PROM2: variants seen among roughly 807,000 people sequenced by gnomAD.
PROM2 encodes prominin-2.
A neutral mutation model predicts 110.2 loss-of-function variants in PROM2; 90 were observed. The ratio of observed to expected loss-of-function variants is 0.82; its 90% CI spans 0.69 to 0.97. PROM2 has a LOEUF of 0.97. Among genes scored for constraint, PROM2 ranks in the 50% least tolerant of loss-of-function variants. PROM2 has a pLI of 0.00. For synonymous variants in PROM2, 470 were observed against 467.8 expected (o/e 1.00, Z -0.06); for missense variants, 1,009 against 1,074.8 (o/e 0.94, Z 0.86).
Position 95,282,217 on chromosome 2 carries a change from T to TATC in PROM2, c.1721_1723dup (p.Ile574dup). On this transcript the variant is annotated inframe_insertion, in exon 14 of 24. Coordinates refer to ENST00000317620, the MANE Select transcript of PROM2 (RefSeq NM_001165978.3). Reference sequence around the variant, plus strand: ...CCTACGACCTGGAGGAGCACCTGGATATCAACCAGGTGAGAGAACGTTTTG... The same window carrying TATC: ...CCTACGACCTGGAGGAGCACCTGGATATCATCAACCAGGTGAGAGAACGTTTTG... 1 of 1,613,346 alleles carries TATC rather than the reference T, an allele frequency of 6.2e-7. No homozygotes were observed. Among genetic ancestry groups the TATC allele is most frequent in the Non-Finnish European group, 8.5e-7 (1 of 1,179,696 alleles).
chr2:95,280,960 G>A (rs1259974708), intron 11 of PROM2, among the ~76,000 whole-genome samples: 2 of 152,198 alleles, frequency 1.3e-5, no homozygotes, highest in Non-Finnish European at 2.9e-5. Context: ...GATAGTCCTG[G>A]CTCTTTGAAC....
chr2:95,278,674 G>A lies in PROM2; in HGVS notation c.1051-47G>A. The A allele has an allele frequency of 4.3e-6, 7 of 1,611,272 alleles. 1 individual carries two copies. The South Asian group carries it at 5.5e-5, about 13-fold the overall frequency. ...GTGACTTTGGGGTCTCCCAAGAGGG[G>A]ACACTGGGCAGAGATGGGGAGGCCC... On this transcript the variant is annotated intron_variant, in intron 8 of 23. Transcript: ENST00000317620.
At chr2:95,285,145 C>A in intron 15 of PROM2, 30 bp downstream of exon 15, 1 of 1,521,040 alleles carries the variant, frequency 6.6e-7, no homozygotes, top group South Asian at 1.2e-5. Flanking sequence ...GCAGGGCTTC[C>A]TCAGCAGGTG....
chr2:95,277,183 G>A (rs1361427981), intron 6 of PROM2, 122 bp downstream of exon 6: 5 of 1,136,190 alleles, frequency 4.4e-6, no homozygotes, highest in African/African-American at 1.6e-5. Flanking sequence ...CTTCCCCATC[G>A]CTGTACCCCA....
chr2:95,279,479 TAG>T (rs1676909875), intron 10 of PROM2, among the ~76,000 whole-genome samples: 1 of 152,080 alleles, frequency 6.6e-6, no homozygotes, highest in Non-Finnish European at 1.5e-5. Flanking sequence ...GCATTTTTAG[TAG>T]AGACAGGGTT....
chr2:95,276,473 GC>G lies in PROM2; in HGVS notation c.619-119del. ...GAAAGCCGCCTCCTCTCCCGCCCTT[GC>G]CTGAGAGTCGACCACCCTCAGGGTG... is the stretch of plus-strand genomic sequence containing the variant. On this transcript the variant is annotated intron_variant, in intron 4 of 23. Coordinates refer to ENST00000317620, the MANE Select transcript of PROM2 (RefSeq NM_001165978.3). The surrounding 1 kb of genome is among the most constrained non-coding windows in gnomAD (Gnocchi z 4.6). 5.0e-6 allele frequency: 8 copies of G among 1,594,788 alleles called. No homozygotes were observed. The highest frequency in any genetic ancestry group is 6.9e-6 in the Non-Finnish European group (8 of 1,165,846).
At chr2:95,285,425 G>A (rs1344965846) in intron 15 of PROM2, among the ~76,000 whole-genome samples, 1 of 152,340 alleles carries the variant, frequency 6.6e-6, no homozygotes, top group East Asian at 1.9e-4. Context: ...ACCAGAGGGT[G>A]CCTTATTTGT....
At chr2:95,284,004 C>T (rs1677198440) in intron 14 of PROM2, among the ~76,000 whole-genome samples, 1 of 152,190 alleles carries the variant, frequency 6.6e-6, no homozygotes, top group African/African-American at 2.4e-5. Flanking sequence ...GGATAAAGAG[C>T]GGCTGAGAGA....
intron 14 of PROM2, among the ~76,000 whole-genome samples, chr2:95,284,534 A>G (rs531132273): frequency 6.6e-6 from 1 of 152,248 alleles, no homozygotes; most frequent in African/African-American, 2.4e-5. Context: ...AGGCTGCATA[A>G]TTTATAAAGA....
At position 95,285,958 on chromosome 2, in the gene PROM2, G is replaced by C. The variant is rs528151457; in HGVS notation, c.1947+248G>C. Reference sequence around the variant, plus strand: ...TCTCTGAGCCGGAGGTTCTTCATCTGTTGGGTGGACTGTCCTCCATCTCAG... The same window carrying C: ...TCTCTGAGCCGGAGGTTCTTCATCTCTTGGGTGGACTGTCCTCCATCTCAG... On this transcript the variant is annotated intron_variant, in intron 16 of 23. Transcript: ENST00000317620. Among the ~76,000 whole-genome samples, 4 of 152,350 alleles carry C rather than the reference G, an allele frequency of 2.6e-5. No individual in the cohort carries two copies. The East Asian group carries it at 5.8e-4, about 22-fold the overall frequency.
In PROM2 at chr2:95,286,554, C is replaced by T. The variant is rs750741001; in HGVS notation, c.2023C>T (p.Pro675Ser). 2.5e-6 allele frequency: 4 copies of T among 1,613,504 alleles called. No individual in the cohort carries two copies. In the East Asian group the frequency reaches 6.7e-5, roughly 27 times the overall value. The change falls in exon 17 of 24, where the codon CCC becomes TCC. Residue 675 changes from proline (P) to serine (S), a missense_variant. Transcript: ENST00000317620. ...AAACCTTCACCAGGAGAAGGTCGTCCCCCAGCAGAGCCTTGTGGTCAGTTT... is the reference window on the plus strand; with the variant it reads ...AAACCTTCACCAGGAGAAGGTCGTCTCCCAGCAGAGCCTTGTGGTCAGTTT... ...LRNLHQEKVV[P>S]QQSLVAKLNL...
chr2:95,278,125 C>A, intron 8 of PROM2, 121 bp downstream of exon 8: 2 of 789,732 alleles, frequency 2.5e-6, no homozygotes, highest in Non-Finnish European at 4.2e-6. Context: ...CCACACAGCA[C>A]CCTGGGCAGG....
chr2:95,281,435 G>A (rs1677039895), intron 12 of PROM2, 70 bp downstream of exon 12: 4 of 1,077,362 alleles, frequency 3.7e-6, no homozygotes, highest in East Asian at 6.4e-5. Flanking sequence ...GAGCAGGAGG[G>A]TTGGGGGAAA....
chr2:95,276,568 A>G lies in PROM2; in HGVS notation c.619-26A>G, dbSNP rs1573445287. On this transcript the variant is annotated intron_variant, in intron 4 of 23. Transcript: ENST00000317620. The surrounding 1 kb of genome is among the most constrained non-coding windows in gnomAD (Gnocchi z 4.6). The stretch of plus-strand genomic sequence containing the variant: ...AGGACTGTGGGTGACCAGGAAGGGC[A>G]GCCTCAGGGCCTTGTGTTTGCCTAG... The G allele has an allele frequency of 6.2e-7, 1 of 1,613,954 alleles. No homozygotes were observed. Among genetic ancestry groups the G allele is most frequent in the Non-Finnish European group, 8.5e-7 (1 of 1,179,978 alleles).
Position 95,275,883 on chromosome 2 carries a change from TG to T in PROM2, c.295-44del. Reference sequence around the variant, plus strand: ...TCTGGACTCAGGCAGAAGCCAGGGCTGGGCAGTGGGGGTCGGGTCACCCCTC... The same window carrying T: ...TCTGGACTCAGGCAGAAGCCAGGGCTGGCAGTGGGGGTCGGGTCACCCCTC... On this transcript the variant is annotated intron_variant, in intron 2 of 23. Transcript: ENST00000317620. The surrounding 1 kb of genome is among the most constrained non-coding windows in gnomAD (Gnocchi z 4.4). The T allele has an allele frequency of 6.4e-7, 1 of 1,571,224 alleles. No homozygotes were observed. The highest frequency in any genetic ancestry group is 8.6e-7 in the Non-Finnish European group (1 of 1,160,634).
intron 17 of PROM2, 88 bp downstream of exon 17, chr2:95,286,659 C>A: frequency 9.7e-7 from 1 of 1,030,682 alleles, no homozygotes; most frequent in Non-Finnish European, 1.5e-6. Context: ...TTCTGAGAGT[C>A]CCTTCCCTCC....
intron 17 of PROM2, 73 bp from the exon 18 acceptor site, chr2:95,286,731 C>A: frequency 9.0e-7 from 1 of 1,115,046 alleles, no homozygotes. Flanking sequence ...CTCCACTCCC[C>A]TCCACTTTCC....
At chr2:95,287,338 TG>T in intron 19 of PROM2, 57 bp from the exon 20 acceptor site, 3 of 1,278,248 alleles carry the variant, frequency 2.3e-6, no homozygotes, top group East Asian at 3.6e-5. Context: ...GTGGCGTGGG[TG>T]GGGGGCACTG....
At chr2:95,277,876 T>C in intron 7 of PROM2, 54 bp from the exon 8 acceptor site, 1 of 1,484,516 alleles carries the variant, frequency 6.7e-7, no homozygotes, top group Admixed American at 1.7e-5. Context: ...CCCTCAGGGA[T>C]CCCCTTCAGG....
Sources: gnomAD v4.1 joint callset for allele counts (sites outside exome capture counted in the v4.1 genomes callset) on GRCh38, gnomAD v4.1.1 for gene constraint, Gnocchi (gnomAD v3.1) non-coding constraint, MANE v1.5 for transcripts, NCBI Gene and HGNC (gene_info 2026-07-23, HGNC 2026-07-21) for gene names.